Variants in DLG2 observed in about 807,000 individuals in gnomAD.
The protein encoded by DLG2 is discs large MAGUK scaffold protein 2, also known as disks large homolog 2.
Under a neutral mutation model 132.5 loss-of-function variants are expected in DLG2, and 45 were observed. That is an observed-to-expected ratio of 0.34 (90% confidence interval 0.27 to 0.44). DLG2 has a LOEUF of 0.44. Ranked by LOEUF, DLG2 falls within the 20% of genes least tolerant of loss-of-function variation. DLG2 has a pLI of 1.00. For synonymous variants in DLG2, 424 were observed against 419.6 expected, an observed-to-expected ratio of 1.01 and a Z score of -0.13; for missense variants, 1,045 against 1,196.9, an observed-to-expected ratio of 0.87 and a Z score of 1.87.
At chr11:83,884,113 C>T (rs1407477050) in intron 15 of DLG2, among the ~76,000 whole-genome samples, 1 of 152,182 alleles carries the variant, frequency 6.6e-6, no homozygotes, top group Non-Finnish European at 1.5e-5. Context: ...GTGCAGGGCA[C>T]CATGCGCGAG....
At chr11:83,882,915 T>G (rs1304170572) in intron 15 of DLG2, among the ~76,000 whole-genome samples, 1 of 152,164 alleles carries the variant, frequency 6.6e-6, no homozygotes, top group East Asian at 1.9e-4. Context: ...CAGAATGTGG[T>G]TAAGGTGAGA....
chr11:84,418,310 A>G (rs2098936856), intron 7 of DLG2, among the ~76,000 whole-genome samples: 1 of 152,222 alleles, frequency 6.6e-6, no homozygotes, highest in Non-Finnish European at 1.5e-5. Context: ...AGGGGCTGAA[A>G]AGTCCCAATG....
Position 84,382,443 on chromosome 11 carries a change from C to G in DLG2, c.520-131152G>C, listed in dbSNP as rs151223609. Among the ~76,000 whole-genome samples, 602 of 152,202 alleles carry G rather than the reference C, an allele frequency of 4.0e-3. 10 individuals are homozygous for G. Among genetic ancestry groups the G allele is most frequent in the African/African-American group, 0.013 (555 of 41,546 alleles). ...AAAAAATTACCCAAGATTATACTAT[C>G]ATTTTAAAATTGGACTGAAGTAGAA... is the stretch of plus-strand genomic sequence containing the variant. On this transcript the variant is annotated intron_variant, in intron 7 of 27. Coordinates refer to ENST00000376104, the MANE Select transcript of DLG2 (RefSeq NM_001142699.3).
chr11:85,000,466 A>T (rs1026312550), intron 6 of DLG2, among the ~76,000 whole-genome samples: 1 of 152,130 alleles, frequency 6.6e-6, no homozygotes, highest in Non-Finnish European at 1.5e-5. Flanking sequence ...CAATATTGGG[A>T]AAGTCAGTTA....
intron 3 of DLG2, among the ~76,000 whole-genome samples, chr11:85,443,490 G>A (rs888402756): frequency 6.6e-6 from 1 of 152,144 alleles, no homozygotes; most frequent in Non-Finnish European, 1.5e-5. Context: ...ATGTTTCTCT[G>A]TGATATGTGA....
Position 83,628,509 on chromosome 11 carries a change from C to T in DLG2, c.1940+4702G>A, listed in dbSNP as rs562812846. The stretch of plus-strand genomic sequence containing the variant: ...TCGTGGGGGAATCATTTAACTTCTC[C>T]GAGTTTCAGTTTCTTCATCTATAAA... On this transcript the variant is annotated intron_variant, in intron 19 of 27. Coordinates refer to ENST00000376104, the MANE Select transcript of DLG2 (RefSeq NM_001142699.3). Among the ~76,000 whole-genome samples, 8 of 152,250 alleles carry T rather than the reference C, an allele frequency of 5.3e-5. No individual in the cohort carries two copies. The East Asian group carries it at 9.7e-4, about 18-fold the overall frequency.
At chr11:84,250,879 A>G (rs1312137921) in intron 8 of DLG2, among the ~76,000 whole-genome samples, 1 of 152,220 alleles carries the variant, frequency 6.6e-6, no homozygotes, top group Non-Finnish European at 1.5e-5. Context: ...TAGGTTCCAG[A>G]CTATCACAGA....
intron 2 of DLG2, among the ~76,000 whole-genome samples, chr11:85,622,785 C>A (rs932685173): frequency 6.6e-6 from 1 of 152,122 alleles, no homozygotes; most frequent in Non-Finnish European, 1.5e-5. Flanking sequence ...TAAGGCCAGG[C>A]GCACTGGCTC....
At chr11:85,333,988 G>T (rs2081958405) in intron 3 of DLG2, among the ~76,000 whole-genome samples, 1 of 151,986 alleles carries the variant, frequency 6.6e-6, no homozygotes, top group Admixed American at 6.6e-5. Context: ...CTTCTCTGGA[G>T]TAGTTTCAGT....
intron 6 of DLG2, among the ~76,000 whole-genome samples, chr11:84,768,915 T>C (rs955789076): frequency 6.6e-6 from 1 of 152,146 alleles, no homozygotes; most frequent in South Asian, 2.1e-4. Flanking sequence ...TATCATTTAA[T>C]GATGTTCCAA....
At chr11:83,693,414 G>A (rs187014928) in intron 18 of DLG2, among the ~76,000 whole-genome samples, 11 of 152,192 alleles carry the variant, frequency 7.2e-5, no homozygotes, top group African/African-American at 2.4e-4. Flanking sequence ...CTTCAGGAAG[G>A]GCCAAATGAA....
At chr11:83,706,216 TA>T (rs34352995) in intron 18 of DLG2, among the ~76,000 whole-genome samples, 3,096 of 134,576 alleles carry the variant, frequency 0.023, 83 homozygotes, top group African/African-American at 0.068. Context: ...AGACTCCATC[TA>T]AAAAAAAAAA....
chr11:84,624,264 T>C (rs1002704210), intron 6 of DLG2, among the ~76,000 whole-genome samples: 3 of 152,196 alleles, frequency 2.0e-5, no homozygotes, highest in Admixed American at 2.0e-4. Flanking sequence ...CTACAGAGGA[T>C]CTGAGGCATT....
At chr11:84,830,221 C>G (rs975417378) in intron 6 of DLG2, among the ~76,000 whole-genome samples, 3 of 151,512 alleles carry the variant, frequency 2.0e-5, no homozygotes, top group African/African-American at 4.8e-5. Context: ...ATTCCCTGTC[C>G]TGGTATGAGG....
chr11:84,562,678 A>T (rs1313523897), intron 6 of DLG2, among the ~76,000 whole-genome samples: 2 of 152,104 alleles, frequency 1.3e-5, no homozygotes, highest in African/African-American at 2.4e-5. Flanking sequence ...TAACAATGCA[A>T]AAAATCTTTA....
At chr11:85,554,704 C>T (rs889708585) in intron 3 of DLG2, among the ~76,000 whole-genome samples, 5 of 151,648 alleles carry the variant, frequency 3.3e-5, no homozygotes, top group African/African-American at 9.7e-5. Flanking sequence ...AAGATGTAGA[C>T]GCAGTTTGCC....
chr11:84,510,755 G>A (rs1226860707), intron 7 of DLG2, among the ~76,000 whole-genome samples: 1 of 152,000 alleles, frequency 6.6e-6, no homozygotes, highest in Admixed American at 6.6e-5. Flanking sequence ...ATTCTCTATG[G>A]CCTTACATAA....
At chr11:84,644,407 G>A (rs983424463) in intron 6 of DLG2, among the ~76,000 whole-genome samples, 1 of 152,032 alleles carries the variant, frequency 6.6e-6, no homozygotes, top group Non-Finnish European at 1.5e-5. Flanking sequence ...ATACATACAT[G>A]TAAGATGTCT....
chr11:85,555,198 G>T (rs1261379691), intron 3 of DLG2, among the ~76,000 whole-genome samples: 1 of 151,724 alleles, frequency 6.6e-6, no homozygotes, highest in East Asian at 1.9e-4. Flanking sequence ...TGACTAAAAG[G>T]AAATATACTA....
Sources: allele counts gnomAD v4.1 joint callset (sites outside exome capture counted in the v4.1 genomes callset), GRCh38; gene constraint gnomAD v4.1.1; transcripts MANE v1.5; gene names NCBI Gene and HGNC (gene_info 2026-07-23, HGNC 2026-07-21).